The following KDM2A variants were observed in gnomAD, a reference collection of about 807,000 sequenced individuals.
KDM2A encodes lysine demethylase 2A.
Under a neutral mutation model 137.3 loss-of-function variants are expected in KDM2A, and 3 were observed. The ratio of observed to expected loss-of-function variants is 0.02; its 90% CI spans 0.01 to 0.06. The LOEUF is 0.06. Among genes scored for constraint, KDM2A ranks in the 10% least tolerant of loss-of-function variants. The probability of loss-of-function intolerance (pLI) is 1.00; values close to 1 mark genes in which losing one functional copy is unlikely to be tolerated. For missense variants in KDM2A, 738 were observed against 1,510.6 expected, an observed-to-expected ratio of 0.49 and a Z score of 8.48; for synonymous variants, 512 against 541.5, an observed-to-expected ratio of 0.95 and a Z score of 0.76.
chr11:67,204,586 G>T lies in KDM2A; in HGVS notation c.308-2924G>T, dbSNP rs111948829. Among the ~76,000 whole-genome samples, 1,412 of 151,622 alleles carry T rather than the reference G, an allele frequency of 9.3e-3. 22 individuals carry two copies. Among genetic ancestry groups the T allele is most frequent in the African/African-American group, 0.032 (1,307 of 41,338 alleles). On this transcript the variant is annotated intron_variant, in intron 5 of 20. Transcript: ENST00000529006. ...TGCTTACTGCAAGCTCCGCCTCCTGGGTTCATGCCATTCTCCTGCCTCAGT... is the reference window on the plus strand; with the variant it reads ...TGCTTACTGCAAGCTCCGCCTCCTGTGTTCATGCCATTCTCCTGCCTCAGT...
At chr11:67,124,854 TTTTC>T (rs949826070) in intron 2 of KDM2A, among the ~76,000 whole-genome samples, 13 of 151,518 alleles carry the variant, frequency 8.6e-5, no homozygotes, top group Non-Finnish European at 1.6e-4. Context: ...AGAACTTTCT[TTTTC>T]TTTCTTTTTT....
intron 2 of KDM2A, among the ~76,000 whole-genome samples, chr11:67,151,531 G>A (rs866061929): frequency 7.9e-5 from 12 of 151,818 alleles, no homozygotes; most frequent in Middle Eastern, 3.2e-3. Context: ...TGTATTTTTA[G>A]TAGAGACCGG....
chr11:67,238,654 G>C (rs948172523), intron 12 of KDM2A, among the ~76,000 whole-genome samples: 1 of 152,124 alleles, frequency 6.6e-6, no homozygotes, highest in Non-Finnish European at 1.5e-5. Flanking sequence ...ACTTTAGAAA[G>C]CCTAGTTAGC....
intron 2 of KDM2A, among the ~76,000 whole-genome samples, chr11:67,157,130 G>T (rs950290220): frequency 1.3e-5 from 2 of 151,528 alleles, no homozygotes; most frequent in African/African-American, 4.8e-5. Flanking sequence ...TGGCTAACAC[G>T]GTGAAACCCC....
intron 17 of KDM2A, chr11:67,252,462 G>C: frequency 1.9e-6 from 1 of 538,828 alleles, no homozygotes; most frequent in Non-Finnish European, 3.4e-6. Context: ...GGGTAAAGTG[G>C]TCAAGTTATA....
At chr11:67,189,588 C>G (rs945883790) in intron 5 of KDM2A, among the ~76,000 whole-genome samples, 5 of 152,120 alleles carry the variant, frequency 3.3e-5, no homozygotes, top group Non-Finnish European at 5.9e-5. Context: ...GCCTGTAATC[C>G]TAGCACTTTG....
chr11:67,237,610 G>C (rs1322159603), intron 12 of KDM2A, among the ~76,000 whole-genome samples: 1 of 151,792 alleles, frequency 6.6e-6, no homozygotes, highest in Non-Finnish European at 1.5e-5. Flanking sequence ...TCAGCTTTTT[G>C]TTTGTTTGTT....
chr11:67,129,768 G>A (rs1176337151), intron 2 of KDM2A, among the ~76,000 whole-genome samples: 15 of 149,656 alleles, frequency 1.0e-4, no homozygotes, highest in Non-Finnish European at 1.8e-4. Flanking sequence ...AAAAATAGCC[G>A]GGCATAGTGG....
intron 16 of KDM2A, 137 bp from the exon 17 acceptor site, chr11:67,249,947 ACT>A (rs1859357028): frequency 1.5e-6 from 1 of 681,426 alleles, no homozygotes; most frequent in Non-Finnish European, 2.3e-6. Context: ...GCCTGGGCCG[ACT>A]CTGAGGGAAT....
Position 67,254,164 on chromosome 11 carries a change from T to C in KDM2A, c.3092-39T>C. ...GGAGCCTTGAAGCTGGATTAGAGAA[T>C]TGAGAGTTTTGATCTAGGCTCTTCT... is the stretch of plus-strand genomic sequence containing the variant. On this transcript the variant is annotated intron_variant, in intron 19 of 20. Coordinates refer to ENST00000529006, the MANE Select transcript of KDM2A (RefSeq NM_012308.3). The surrounding 1 kb of genome is among the most constrained non-coding windows in gnomAD (Gnocchi z 4.7). 1.9e-6 allele frequency: 3 copies of C among 1,564,722 alleles called. No homozygotes were observed. The highest frequency in any genetic ancestry group is 2.6e-6 in the Non-Finnish European group (3 of 1,144,066).
intron 2 of KDM2A, among the ~76,000 whole-genome samples, chr11:67,163,165 G>A (rs1028355856): frequency 3.3e-5 from 5 of 152,100 alleles, no homozygotes; most frequent in Non-Finnish European, 7.4e-5. Flanking sequence ...GTCTTCTAGC[G>A]CTACACTTTC....
intron 2 of KDM2A, among the ~76,000 whole-genome samples, chr11:67,177,869 A>G (rs1356789205): frequency 2.0e-5 from 3 of 152,154 alleles, no homozygotes; most frequent in African/African-American, 7.2e-5. Context: ...ATTGCCACAA[A>G]CGAGAGTAAT....
intron 5 of KDM2A, among the ~76,000 whole-genome samples, chr11:67,195,369 C>CAA (rs34494813): frequency 0.14 from 8,204 of 59,996 alleles, 268 homozygotes; most frequent in East Asian, 0.26. Flanking sequence ...ACTCCGTCTC[C>CAA]AAAAAAAAAA....
At chr11:67,154,031 C>A (rs1411358928) in intron 2 of KDM2A, among the ~76,000 whole-genome samples, 1 of 152,138 alleles carries the variant, frequency 6.6e-6, no homozygotes, top group Admixed American at 6.6e-5. Flanking sequence ...TACGGTTATA[C>A]TGAAGAAAAT....
At chr11:67,173,399 T>C (rs1328377896) in intron 2 of KDM2A, among the ~76,000 whole-genome samples, 1 of 151,268 alleles carries the variant, frequency 6.6e-6, no homozygotes, top group Admixed American at 6.6e-5. Flanking sequence ...GGGGATTACA[T>C]GCGTGAGCCA....
intron 15 of KDM2A, 80 bp downstream of exon 15, chr11:67,246,196 A>T: frequency 1.3e-6 from 2 of 1,500,510 alleles, no homozygotes; most frequent in Non-Finnish European, 1.8e-6. Flanking sequence ...TTGTGATGGG[A>T]GTGCCAGCAT....
At chr11:67,165,407 C>A (rs978839395) in intron 2 of KDM2A, among the ~76,000 whole-genome samples, 1 of 152,146 alleles carries the variant, frequency 6.6e-6, no homozygotes, top group African/African-American at 2.4e-5. Context: ...CAGGTGTGAG[C>A]CACCGCACCC....
intron 6 of KDM2A, among the ~76,000 whole-genome samples, chr11:67,213,005 G>A (rs752658691): frequency 6.6e-6 from 1 of 152,120 alleles, no homozygotes; most frequent in Non-Finnish European, 1.5e-5. Flanking sequence ...TGGGACCGGC[G>A]GATGCTTGGT....
intron 2 of KDM2A, among the ~76,000 whole-genome samples, chr11:67,169,758 T>TCTCTCTCTCTC (rs1565386912): frequency 3.4e-5 from 2 of 59,600 alleles, no homozygotes; most frequent in Non-Finnish European, 8.5e-5. Context: ...TCTCTCTCTC[T>TCTCTCTCTCTC]CTTTTTTTTT....
Sources: allele counts gnomAD v4.1 joint callset (sites outside exome capture counted in the v4.1 genomes callset), GRCh38; gene constraint gnomAD v4.1.1; non-coding constraint Gnocchi (gnomAD v3.1); transcripts MANE v1.5; gene names NCBI Gene and HGNC (gene_info 2026-07-23, HGNC 2026-07-21).